Variants in MYO3B observed in about 807,000 individuals in gnomAD.
MYO3B encodes the protein myosin IIIB, also known as myosin-IIIb.
In MYO3B, 156 loss-of-function variants were observed where a neutral mutation model predicts 174.6. The ratio of observed to expected loss-of-function variants is 0.89; its 90% CI spans 0.78 to 1.02. MYO3B has a LOEUF of 1.02. MYO3B is among the 50% of genes least tolerant of loss of function. The pLI, the probability that MYO3B is intolerant of heterozygous loss-of-function variation, is 0.00. For synonymous variants in MYO3B, 563 were observed against 569.1 expected (o/e 0.99, Z 0.15); for missense variants, 1,632 against 1,639.4 (o/e 1.00, Z 0.08).
chr2:170,634,255 G>T (rs1002465521), intron 32 of MYO3B, among the ~76,000 whole-genome samples: 1 of 152,122 alleles, frequency 6.6e-6, no homozygotes, highest in African/African-American at 2.4e-5. Context: ...GCATGGTACT[G>T]GTACCAAAAC....
chr2:170,213,157 G>A (rs961698268), intron 3 of MYO3B, among the ~76,000 whole-genome samples: 3 of 152,136 alleles, frequency 2.0e-5, no homozygotes, highest in Non-Finnish European at 2.9e-5. Flanking sequence ...AAATCCTTAA[G>A]TTGATGAAAA....
At chr2:170,484,497 A>G (rs1308329790) in intron 25 of MYO3B, among the ~76,000 whole-genome samples, 2 of 152,172 alleles carry the variant, frequency 1.3e-5, no homozygotes, top group South Asian at 2.1e-4. Flanking sequence ...TCCCAGTGTC[A>G]TTGTGATTTT....
chr2:170,309,515 C>G (rs1188733058), intron 7 of MYO3B, among the ~76,000 whole-genome samples: 1 of 152,174 alleles, frequency 6.6e-6, no homozygotes, highest in Non-Finnish European at 1.5e-5. Context: ...CCCTGATTCT[C>G]TCAGCCTAGA....
chr2:170,480,450 C>T (rs1685619584), intron 25 of MYO3B, among the ~76,000 whole-genome samples: 1 of 152,214 alleles, frequency 6.6e-6, no homozygotes, highest in African/African-American at 2.4e-5. Context: ...TTGCCCTACT[C>T]ATCTCTTCAT....
At chr2:170,330,508 C>T (rs1447577397) in intron 7 of MYO3B, among the ~76,000 whole-genome samples, 1 of 152,090 alleles carries the variant, frequency 6.6e-6, no homozygotes, top group Admixed American at 6.5e-5. Context: ...GGAATAATTC[C>T]TATTTAATAG....
intron 32 of MYO3B, among the ~76,000 whole-genome samples, chr2:170,591,927 T>C (rs949524481): frequency 6.6e-6 from 1 of 152,250 alleles, no homozygotes; most frequent in Non-Finnish European, 1.5e-5. Context: ...AAACATGCAG[T>C]TGCTTCTCAA....
chr2:170,341,394 G>A (rs188461286), intron 8 of MYO3B: 4 of 152,220 alleles, frequency 2.6e-5, no homozygotes, highest in South Asian at 2.1e-4. Context: ...ACGTCTTGTC[G>A]GATTCTCAGG....
At chr2:170,597,129 G>T (rs1293073507) in intron 32 of MYO3B, among the ~76,000 whole-genome samples, 1 of 151,980 alleles carries the variant, frequency 6.6e-6, no homozygotes, top group Non-Finnish European at 1.5e-5. Context: ...TCCCACTACG[G>T]AGCCACCATG....
chr2:170,488,630 A>C (rs1686227061), intron 25 of MYO3B, among the ~76,000 whole-genome samples: 1 of 152,242 alleles, frequency 6.6e-6, no homozygotes, highest in Non-Finnish European at 1.5e-5. Flanking sequence ...CTTATATGAA[A>C]TAAAAGAATG....
In MYO3B at chr2:170,397,143, T is replaced by TA. The variant is rs200873879; in HGVS notation, c.1792-3036dup. ...GGTGATTAAACAATGATTCTTAAAG[T>TA]AAAAAAAAATGACATATTGCCTTTG... On this transcript the variant is annotated intron_variant, in intron 16 of 34. Coordinates refer to ENST00000408978, the MANE Select transcript of MYO3B (RefSeq NM_138995.5). 1.8e-3 allele frequency among the ~76,000 whole-genome samples: 268 copies of TA among 151,390 alleles called. 1 individual carries two copies. The highest frequency in any genetic ancestry group is 0.01 in the Middle Eastern group (3 of 292).
intron 7 of MYO3B, among the ~76,000 whole-genome samples, chr2:170,287,291 G>A (rs1341111873): frequency 6.6e-6 from 1 of 152,034 alleles, no homozygotes; most frequent in East Asian, 1.9e-4. Flanking sequence ...TTAGTTTTTT[G>A]AGGAACCTCC....
chr2:170,486,286 C>A (rs1021370778), intron 25 of MYO3B, among the ~76,000 whole-genome samples: 1 of 149,588 alleles, frequency 6.7e-6, no homozygotes, highest in African/African-American at 2.5e-5. Flanking sequence ...TTTTAAAAAT[C>A]ACAGAATCCA....
At chr2:170,308,484 C>G (rs1475802078) in intron 7 of MYO3B, among the ~76,000 whole-genome samples, 1 of 152,164 alleles carries the variant, frequency 6.6e-6, no homozygotes, top group Non-Finnish European at 1.5e-5. Flanking sequence ...GTGAAAATCA[C>G]TGATCCCATA....
At chr2:170,616,406 G>A (rs1695465292) in intron 32 of MYO3B, among the ~76,000 whole-genome samples, 1 of 152,146 alleles carries the variant, frequency 6.6e-6, no homozygotes, top group East Asian at 1.9e-4. Context: ...TAGGCTCTCT[G>A]CAGGGGGAAT....
chr2:170,550,273 T>C (rs1690792242), intron 32 of MYO3B, among the ~76,000 whole-genome samples: 1 of 152,228 alleles, frequency 6.6e-6, no homozygotes, highest in African/African-American at 2.4e-5. Flanking sequence ...AGAATTGTTA[T>C]TGCTAGCATG....
At chr2:170,644,150 T>C (rs145790615) in intron 32 of MYO3B, among the ~76,000 whole-genome samples, 200 of 152,328 alleles carry the variant, frequency 1.3e-3, no homozygotes, top group Non-Finnish European at 2.3e-3. Flanking sequence ...ATTTAACAAA[T>C]AGAAATGCAG....
intron 32 of MYO3B, among the ~76,000 whole-genome samples, chr2:170,597,850 G>T (rs1694251742): frequency 6.6e-6 from 1 of 152,132 alleles, no homozygotes; most frequent in Non-Finnish European, 1.5e-5. Flanking sequence ...CTAATACAAT[G>T]AATTAGAATA....
At chr2:170,217,232 A>C in intron 5 of MYO3B, 87 bp from the exon 6 acceptor site, 6 of 1,126,484 alleles carry the variant, frequency 5.3e-6, no homozygotes, top group Admixed American at 1.7e-5. Context: ...TAAAGTACTT[A>C]TTTGGCCTTT....
intron 6 of MYO3B, among the ~76,000 whole-genome samples, chr2:170,220,174 C>A (rs908996725): frequency 6.6e-6 from 1 of 151,938 alleles, no homozygotes; most frequent in East Asian, 1.9e-4. Context: ...AGAAGAATGG[C>A]GTGAACCCGG....
Sources: gnomAD v4.1 joint callset for allele counts (sites outside exome capture counted in the v4.1 genomes callset) on GRCh38, gnomAD v4.1.1 for gene constraint, MANE v1.5 for transcripts, NCBI Gene and HGNC (gene_info 2026-07-23, HGNC 2026-07-21) for gene names.